STK33: variants seen among roughly 807,000 people sequenced by gnomAD.
STK33 encodes serine/threonine kinase 33, also known as serine/threonine-protein kinase 33.
A neutral mutation model predicts 58.0 loss-of-function variants in STK33; 52 were observed. That is an observed-to-expected ratio of 0.90 (90% CI 0.72 to 1.13). STK33 has a LOEUF of 1.13. Ranked by LOEUF, STK33 falls within the 50% of genes most tolerant of loss-of-function variation. STK33 has a pLI of 0.00. For missense variants in STK33, 630 were observed against 604.2 expected, an observed-to-expected ratio of 1.04 and a Z score of -0.45; for synonymous variants, 215 against 200.1, an observed-to-expected ratio of 1.07 and a Z score of -0.63.
the STK33 span, among the ~76,000 whole-genome samples, chr11:8,346,173 A>G: frequency 6.6e-6 from 1 of 152,204 alleles, no homozygotes; most frequent in Non-Finnish European, 1.5e-5. Context: ...GGGAGTCATT[A>G]CCACTGCGAG....
intron 15 of STK33, among the ~76,000 whole-genome samples, chr11:8,412,161 T>C (rs992717275): frequency 1.3e-5 from 2 of 152,212 alleles, no homozygotes; most frequent in African/African-American, 4.8e-5. Context: ...TGTATACATG[T>C]ATATGTGTAT....
intron 11 of STK33, among the ~76,000 whole-genome samples, chr11:8,442,714 G>C (rs117123167): frequency 1.3e-5 from 2 of 152,210 alleles, no homozygotes; most frequent in East Asian, 3.9e-4. Context: ...TCCCAAATAA[G>C]ATAAAACAAT....
intron 1 of STK33, among the ~76,000 whole-genome samples, chr11:8,592,820 G>T (rs1322821173): frequency 6.6e-6 from 1 of 152,112 alleles, no homozygotes; most frequent in East Asian, 1.9e-4. Flanking sequence ...AGAGGAGGTT[G>T]GGGGGTAGCA....
intron 1 of STK33, among the ~76,000 whole-genome samples, chr11:8,582,662 T>C (rs2030605226): frequency 6.6e-6 from 1 of 152,234 alleles, no homozygotes; most frequent in African/African-American, 2.4e-5. Flanking sequence ...TACAATTCAA[T>C]ATGAGATTTG....
At chr11:8,378,637 C>T in the STK33 span, among the ~76,000 whole-genome samples, 1 of 152,166 alleles carries the variant, frequency 6.6e-6, no homozygotes, top group East Asian at 1.9e-4. Context: ...CCACTGGGTC[C>T]CTCTCACAAC....
intron 5 of STK33, among the ~76,000 whole-genome samples, chr11:8,474,214 A>G (rs536956484): frequency 1.5e-3 from 235 of 152,268 alleles, no homozygotes; most frequent in African/African-American, 5.1e-3. Context: ...AATCAGTACA[A>G]TTGGGTAGCC....
At chr11:8,345,272 G>C in the STK33 span, among the ~76,000 whole-genome samples, 1 of 152,206 alleles carries the variant, frequency 6.6e-6, no homozygotes, top group Non-Finnish European at 1.5e-5. Flanking sequence ...CACTTAGAAA[G>C]TCCTGGCTAA....
chr11:8,523,365 G>A (rs1165175420), intron 1 of STK33, among the ~76,000 whole-genome samples: 9 of 151,854 alleles, frequency 5.9e-5, no homozygotes, highest in East Asian at 3.9e-4. Context: ...CTGCCCGGCC[G>A]CCCATCGTCT....
chr11:8,590,111 T>C (rs1052355209), intron 1 of STK33, among the ~76,000 whole-genome samples: 5 of 152,188 alleles, frequency 3.3e-5, no homozygotes, highest in African/African-American at 9.7e-5. Context: ...TCCACCATGA[T>C]AATGACAAAG....
At chr11:8,548,774 G>A (rs1039413818) in intron 1 of STK33, among the ~76,000 whole-genome samples, 2 of 151,878 alleles carry the variant, frequency 1.3e-5, no homozygotes. Context: ...TGTCCTCTTT[G>A]ATTTCTTTCT....
At chr11:8,577,240 A>G (rs1958252812) in intron 1 of STK33, among the ~76,000 whole-genome samples, 1 of 152,224 alleles carries the variant, frequency 6.6e-6, no homozygotes, top group South Asian at 2.1e-4. Flanking sequence ...TGGATAAAAG[A>G]TTTTAAAATC....
intron 14 of STK33, among the ~76,000 whole-genome samples, chr11:8,434,564 C>A (rs561186120): frequency 5.3e-5 from 8 of 152,100 alleles, no homozygotes; most frequent in African/African-American, 1.9e-4. Flanking sequence ...AGTCTGTTTC[C>A]CGTTCATATA....
intron 1 of STK33, among the ~76,000 whole-genome samples, chr11:8,572,650 C>T (rs1311121224): frequency 6.6e-6 from 1 of 151,918 alleles, no homozygotes; most frequent in East Asian, 1.9e-4. Flanking sequence ...AACTCCTGGC[C>T]TCAAGCAATC....
chr11:8,492,896 C>T (rs1053760412), intron 1 of STK33, among the ~76,000 whole-genome samples: 1 of 152,038 alleles, frequency 6.6e-6, no homozygotes, highest in African/African-American at 2.4e-5. Context: ...TCTTTGAAAC[C>T]AATGAGAACG....
At chr11:8,524,018 C>T (rs1208371997) in intron 1 of STK33, among the ~76,000 whole-genome samples, 1 of 152,116 alleles carries the variant, frequency 6.6e-6, no homozygotes, top group African/African-American at 2.4e-5. Context: ...AACCTTACCC[C>T]CAACCCAGTG....
the STK33 span, among the ~76,000 whole-genome samples, chr11:8,370,228 C>A: frequency 6.6e-6 from 1 of 151,934 alleles, no homozygotes; most frequent in Admixed American, 6.6e-5. Context: ...AGTGGTGCCT[C>A]ACTCTGCCAC....
In STK33 at chr11:8,534,955, C is replaced by T. The variant is rs541946572; in HGVS notation, c.-465-54341G>A. 9.2e-5 allele frequency among the ~76,000 whole-genome samples: 14 copies of T among 152,200 alleles called. No individual in the cohort carries two copies. The South Asian group carries it at 2.9e-3, about 32-fold the overall frequency. ...TAGGAATAAAAAGAGTTAAAATATT[C>T]CCCTGGGATGATAACGTCCTCTAAG... On this transcript the variant is annotated intron_variant, in intron 1 of 15. Coordinates refer to ENST00000687296, the MANE Select transcript of STK33 (RefSeq NM_001352389.2).
the STK33 span, among the ~76,000 whole-genome samples, chr11:8,355,557 T>C: frequency 6.6e-6 from 1 of 152,168 alleles, no homozygotes; most frequent in African/African-American, 2.4e-5. Context: ...GGGGTGTTCC[T>C]TCCTCTCCTT....
intron 1 of STK33, among the ~76,000 whole-genome samples, chr11:8,579,535 T>C: frequency 6.6e-6 from 1 of 151,936 alleles, no homozygotes; most frequent in Middle Eastern, 3.4e-3. Context: ...AAGAGCAACC[T>C]GTTAAATATG....
Sources: allele counts gnomAD v4.1 joint callset (sites outside exome capture counted in the v4.1 genomes callset), GRCh38; gene constraint gnomAD v4.1.1; transcripts MANE v1.5; gene names NCBI Gene and HGNC (gene_info 2026-07-23, HGNC 2026-07-21).